SOX6: variants seen among roughly 807,000 people sequenced by gnomAD.
SOX6 encodes SRY-box transcription factor 6.
SOX6 carries 11 observed loss-of-function variants against 97.8 expected under a neutral mutation model. The observed-to-expected ratio is 0.11, with a 90% CI of 0.07 to 0.19. The LOEUF (loss-of-function observed/expected upper bound fraction) is 0.19. Ranked by LOEUF, SOX6 falls within the 10% of genes least tolerant of loss-of-function variation. The pLI is 1.00. For missense variants in SOX6, 810 were observed against 1,039.5 expected, an observed-to-expected ratio of 0.78 and a Z score of 3.04; for synonymous variants, 360 against 371.4, an observed-to-expected ratio of 0.97 and a Z score of 0.35.
At chr11:16,629,943 GTC>G (rs1185001774) in intron 3 of SOX6, among the ~76,000 whole-genome samples, 1 of 152,094 alleles carries the variant, frequency 6.6e-6, no homozygotes, top group Non-Finnish European at 1.5e-5. Context: ...CAGTTGTAAT[GTC>G]ACCTTTTGTC....
intron 6 of SOX6, among the ~76,000 whole-genome samples, chr11:16,183,154 G>C (rs1851387802): frequency 6.6e-6 from 1 of 151,796 alleles, no homozygotes; most frequent in African/African-American, 2.4e-5. Context: ...ATTTGGAAAG[G>C]GAAACCATTT....
intron 6 of SOX6, among the ~76,000 whole-genome samples, chr11:16,155,353 T>C (rs1256675814): frequency 6.6e-6 from 1 of 152,202 alleles, no homozygotes; most frequent in African/African-American, 2.4e-5. Context: ...TTCACTTTTG[T>C]GATCTATAAA....
At chr11:16,547,599 A>C (rs1847636461) in intron 4 of SOX6, among the ~76,000 whole-genome samples, 1 of 152,116 alleles carries the variant, frequency 6.6e-6, no homozygotes, top group Non-Finnish European at 1.5e-5. Context: ...GAGGTTAATC[A>C]TGAGAATGTC....
chr11:16,733,725 A>T (rs1364851771), intron 2 of SOX6, among the ~76,000 whole-genome samples: 2 of 13,372 alleles, frequency 1.5e-4, no homozygotes, highest in Non-Finnish European at 6.6e-4. Context: ...TTAAAGTATA[A>T]AAAAAAAAAA....
intron 4 of SOX6, among the ~76,000 whole-genome samples, chr11:16,221,290 T>TA (rs1852530925): frequency 6.6e-6 from 1 of 152,098 alleles, no homozygotes; most frequent in African/African-American, 2.4e-5. Context: ...TTCACCATCA[T>TA]ACACTTGTAA....
chr11:16,590,822 G>A (rs904999787), intron 4 of SOX6, among the ~76,000 whole-genome samples: 1 of 152,040 alleles, frequency 6.6e-6, no homozygotes, highest in African/African-American at 2.4e-5. Flanking sequence ...AGTCAGGGAG[G>A]TGGGCAAGTG....
intron 6 of SOX6, among the ~76,000 whole-genome samples, chr11:16,146,379 G>A (rs887324171): frequency 1.8e-4 from 27 of 152,212 alleles, no homozygotes; most frequent in African/African-American, 6.5e-4. Flanking sequence ...TTAAATGTTA[G>A]ACCTAAAACC....
At chr11:16,270,157 C>T (rs1233963904) in intron 3 of SOX6, 2 of 150,960 alleles carry the variant, frequency 1.3e-5, no homozygotes, top group African/African-American at 4.9e-5. Flanking sequence ...AAAAGACAAC[C>T]CAATTTTAAA....
chr11:16,350,650 A>G (rs1279829135), intron 1 of SOX6, among the ~76,000 whole-genome samples: 1 of 152,218 alleles, frequency 6.6e-6, no homozygotes, highest in Non-Finnish European at 1.5e-5. Context: ...CGAGAGGAAG[A>G]AAAGGAAACT....
chr11:16,467,450 T>C (rs530459638), intron 1 of SOX6, among the ~76,000 whole-genome samples: 10 of 152,336 alleles, frequency 6.6e-5, no homozygotes, highest in Non-Finnish European at 1.0e-4. Flanking sequence ...TGGAATACTA[T>C]GCAGCCATAA....
intron 7 of SOX6, among the ~76,000 whole-genome samples, chr11:16,110,657 C>T (rs946692705): frequency 1.3e-5 from 2 of 152,092 alleles, no homozygotes; most frequent in African/African-American, 2.4e-5. Context: ...TTGAATCATT[C>T]GTGTTTTGCC....
intron 2 of SOX6, among the ~76,000 whole-genome samples, chr11:16,725,396 G>A (rs766615393): frequency 5.3e-5 from 8 of 151,858 alleles, no homozygotes; most frequent in East Asian, 1.9e-4. Context: ...GTGGTGGTGC[G>A]CACCTATAGT....
chr11:16,397,096 T>C (rs1462337103), intron 1 of SOX6, among the ~76,000 whole-genome samples: 3 of 151,388 alleles, frequency 2.0e-5, no homozygotes, highest in African/African-American at 7.3e-5. Flanking sequence ...CTTCCTCTTG[T>C]GAAAAAAACA....
intron 6 of SOX6, among the ~76,000 whole-genome samples, chr11:16,168,919 T>C (rs544781165): frequency 3.5e-4 from 54 of 152,254 alleles, no homozygotes; most frequent in African/African-American, 1.3e-3. Context: ...AATCAACAAT[T>C]TCTTCGCCTT....
At chr11:16,388,429 A>G (rs945755174) in intron 1 of SOX6, among the ~76,000 whole-genome samples, 2 of 152,246 alleles carry the variant, frequency 1.3e-5, no homozygotes, top group Admixed American at 1.3e-4. Context: ...GCCTCATAAA[A>G]TGAGGTAGAA....
intron 2 of SOX6, among the ~76,000 whole-genome samples, chr11:16,729,160 A>G (rs1406222244): frequency 6.6e-6 from 1 of 152,208 alleles, no homozygotes; most frequent in Non-Finnish European, 1.5e-5. Context: ...ACACTTCAGG[A>G]TATTATCCAG....
intron 4 of SOX6, among the ~76,000 whole-genome samples, chr11:16,572,217 T>G (rs1338529774): frequency 6.6e-6 from 1 of 152,200 alleles, no homozygotes; most frequent in African/African-American, 2.4e-5. Flanking sequence ...AGATATGCAT[T>G]TTAACATATT....
intron 13 of SOX6, among the ~76,000 whole-genome samples, chr11:15,997,423 T>G (rs1854259069): frequency 6.6e-6 from 1 of 152,156 alleles, no homozygotes; most frequent in South Asian, 2.1e-4. Flanking sequence ...TGCAAAATTT[T>G]AAAATAAAAT....
At chr11:16,017,148 A>T (rs2133865447) in intron 12 of SOX6, among the ~76,000 whole-genome samples, 1 of 152,212 alleles carries the variant, frequency 6.6e-6, no homozygotes, top group Middle Eastern at 3.4e-3. Context: ...TTTATAAAAA[A>T]TGAAGTGCAC....
Sources: allele counts gnomAD v4.1 joint callset (sites outside exome capture counted in the v4.1 genomes callset), GRCh38; gene constraint gnomAD v4.1.1; transcripts MANE v1.5; gene names NCBI Gene and HGNC (gene_info 2026-07-23, HGNC 2026-07-21).